Variants in KCNK5 observed in about 807,000 individuals in gnomAD.
KCNK5 encodes potassium two pore domain channel subfamily K member 5.
In KCNK5, 18 loss-of-function variants were observed where a neutral mutation model predicts 32.9. The observed-to-expected ratio is 0.55, with a 90% CI of 0.38 to 0.81. The LOEUF (loss-of-function observed/expected upper bound fraction) is 0.81, where lower values mean the gene tolerates loss of function less well. Ranked by LOEUF, KCNK5 falls within the 30% of genes least tolerant of loss-of-function variation. The pLI is 0.00. For synonymous variants in KCNK5, 276 were observed against 275.3 expected, an observed-to-expected ratio of 1.00 and a Z score of -0.03; for missense variants, 507 against 651.0, an observed-to-expected ratio of 0.78 and a Z score of 2.41.
rs149374109 is a variant in KCNK5, at chr6:39,202,392, A to T, written c.187-6405T>A. On this transcript the variant is annotated intron_variant, in intron 1 of 4. Coordinates refer to ENST00000359534, the MANE Select transcript of KCNK5 (RefSeq NM_003740.4). ...GCTCACAGGGGCTGCTGAAACCACC[A>T]GCCTCCAACTGGTCTTGGGTTGCAG... Among the ~76,000 whole-genome samples, 213 of 152,214 alleles carry T rather than the reference A, an allele frequency of 1.4e-3. 1 individual carries two copies. In the East Asian group the frequency reaches 0.032, roughly 23 times the overall value.
chr6:39,201,578 C>T (rs9462489), intron 1 of KCNK5, among the ~76,000 whole-genome samples: 1,827 of 152,218 alleles, frequency 0.012, 41 homozygotes, highest in African/African-American at 0.041. Flanking sequence ...TGTGTCAAAG[C>T]TCACTTGGCC....
chr6:39,213,648 G>A lies in KCNK5; in HGVS notation c.186+15278C>T, dbSNP rs377068750. ...GAGGGGTGTAAGAATGTGTATACAC[G>A]GGTGGGAAGCCGGCCTCAGGCAGCT... On this transcript the variant is annotated intron_variant, in intron 1 of 4. Transcript: ENST00000359534. Among the ~76,000 whole-genome samples the A allele has an allele frequency of 5.9e-5, 9 of 152,298 alleles. No homozygotes were observed. In the East Asian group the frequency reaches 7.7e-4, roughly 13 times the overall value.
chr6:39,195,832 C>G (rs768407403), intron 2 of KCNK5, 44 bp downstream of exon 2: 4 of 1,448,622 alleles, frequency 2.8e-6, no homozygotes, highest in East Asian at 2.3e-5. Flanking sequence ...TTCTGAGGAG[C>G]TAGGGCATGG....
chr6:39,206,908 A>T (rs1771235344), intron 1 of KCNK5, among the ~76,000 whole-genome samples: 2 of 152,210 alleles, frequency 1.3e-5, no homozygotes, highest in South Asian at 4.1e-4. Flanking sequence ...GAGCACTGGG[A>T]AGGAAAATAA....
intron 1 of KCNK5, among the ~76,000 whole-genome samples, chr6:39,200,521 A>G (rs1771118277): frequency 6.6e-6 from 1 of 152,150 alleles, no homozygotes; most frequent in Non-Finnish European, 1.5e-5. Context: ...AGTGCTAAAA[A>G]CAGTGAAGCC....
At chr6:39,217,851 T>C (rs1431739799) in intron 1 of KCNK5, among the ~76,000 whole-genome samples, 1 of 152,148 alleles carries the variant, frequency 6.6e-6, no homozygotes, top group Non-Finnish European at 1.5e-5. Context: ...CCTGAGGCCC[T>C]GGCTGGCCCA....
chr6:39,202,219 C>A (rs558789214), intron 1 of KCNK5, among the ~76,000 whole-genome samples: 33 of 152,226 alleles, frequency 2.2e-4, no homozygotes, highest in Non-Finnish European at 4.8e-4. Flanking sequence ...CTGGCCTCAA[C>A]TAACTTGTCC....
At position 39,190,899 on chromosome 6, in the gene KCNK5, CT is replaced by C; in HGVS notation, c.1490del (p.Lys497ArgfsTer69). On this transcript the variant is annotated frameshift_variant, in exon 5 of 5. Coordinates refer to ENST00000359534, the MANE Select transcript of KCNK5 (RefSeq NM_003740.4). LOFTEE classifies it high-confidence loss of function. ...MNEYNKANSP[K>X]GT The stretch of plus-strand genomic sequence containing the variant: ...GGGAGCCGGCCCTGCCTCATGTGCC[CT>C]TGGGGCTGTTAGCCTTGTTGTACTC... The C allele has an allele frequency of 6.8e-7, 1 of 1,471,808 alleles. No homozygotes were observed. The highest frequency in any genetic ancestry group is 9.0e-7 in the Non-Finnish European group (1 of 1,110,828). 91.2% of individuals were successfully genotyped at this position (1,471,808 alleles called of 1,614,324 possible).
chr6:39,225,267 C>T (rs964671974), intron 1 of KCNK5, among the ~76,000 whole-genome samples: 4 of 152,176 alleles, frequency 2.6e-5, no homozygotes, highest in Non-Finnish European at 5.9e-5. Context: ...TGCTAATTTC[C>T]ATGTACTTTG....
In KCNK5 at chr6:39,229,270, T is replaced by C. The variant is rs1027046578; in HGVS notation, c.-159A>G. ...CGCAAGCACCGCTCCCCGGACAGAG[T>C]TGCTTGGCCAAGTTGGCCCACGGAG... On this transcript the variant is annotated 5_prime_UTR_variant, in exon 1 of 5. Coordinates refer to ENST00000359534, the MANE Select transcript of KCNK5 (RefSeq NM_003740.4). 5.5e-5 allele frequency: 45 copies of C among 814,590 alleles called. No homozygotes were observed. The highest frequency in any genetic ancestry group is 3.2e-4 in the Admixed American group (11 of 34,802). 50.5% of individuals were successfully genotyped at this position (814,590 alleles called of 1,614,324 possible).
intron 1 of KCNK5, among the ~76,000 whole-genome samples, chr6:39,228,029 G>A (rs1374797032): frequency 6.6e-6 from 1 of 152,102 alleles, no homozygotes; most frequent in African/African-American, 2.4e-5. Flanking sequence ...CGAGAAACTG[G>A]GGTAGAGGGC....
chr6:39,203,461 C>T (rs1016634339), intron 1 of KCNK5, among the ~76,000 whole-genome samples: 2 of 152,210 alleles, frequency 1.3e-5, no homozygotes, highest in Non-Finnish European at 2.9e-5. Context: ...GTTTCTCGTC[C>T]AACCAAGCAA....
rs541848368 is a variant in KCNK5, at chr6:39,210,596, A to G, written c.187-14609T>C. 2.0e-5 allele frequency among the ~76,000 whole-genome samples: 3 copies of G among 152,344 alleles called. No individual in the cohort carries two copies. In the South Asian group the frequency reaches 6.2e-4, roughly 32 times the overall value. On this transcript the variant is annotated intron_variant, in intron 1 of 4. Transcript: ENST00000359534. The stretch of plus-strand genomic sequence containing the variant: ...ACTTCTGTTGCTCAATGAAGCTCAA[A>G]CCAGGGTCGACTGATTCATCAAGTG...
intron 1 of KCNK5, among the ~76,000 whole-genome samples, chr6:39,201,966 A>G (rs1384947168): frequency 6.6e-6 from 1 of 152,166 alleles, no homozygotes; most frequent in Non-Finnish European, 1.5e-5. Flanking sequence ...TGCACTATCT[A>G]GAGACGGGGG....
Position 39,213,652 on chromosome 6 carries a change from G to A in KCNK5, c.186+15274C>T, listed in dbSNP as rs9471004. 5.9e-3 allele frequency among the ~76,000 whole-genome samples: 906 copies of A among 152,284 alleles called. 8 individuals are homozygous for A. Among genetic ancestry groups the A allele is most frequent in the Non-Finnish European group, 9.1e-3 (618 of 68,028 alleles). On this transcript the variant is annotated intron_variant, in intron 1 of 4. Transcript: ENST00000359534. ...GGTGTAAGAATGTGTATACACGGGTGGGAAGCCGGCCTCAGGCAGCTTAGA... is the reference window on the plus strand; with the variant it reads ...GGTGTAAGAATGTGTATACACGGGTAGGAAGCCGGCCTCAGGCAGCTTAGA...
intron 1 of KCNK5, among the ~76,000 whole-genome samples, chr6:39,206,252 C>T (rs1159582531): frequency 6.6e-6 from 1 of 152,196 alleles, no homozygotes; most frequent in Non-Finnish European, 1.5e-5. Context: ...AGGGAATGTG[C>T]AGGTAGACAC....
intron 1 of KCNK5, among the ~76,000 whole-genome samples, chr6:39,203,646 C>T (rs1292789111): frequency 1.3e-5 from 2 of 152,210 alleles, no homozygotes; most frequent in African/African-American, 4.8e-5. Context: ...AGCCCCCACC[C>T]AGCGTGAACA....
chr6:39,216,950 C>G (rs990355833), intron 1 of KCNK5, among the ~76,000 whole-genome samples: 1 of 151,612 alleles, frequency 6.6e-6, no homozygotes, highest in Non-Finnish European at 1.5e-5. Context: ...GGAGAAACCC[C>G]GTCTCTACTA....
intron 1 of KCNK5, among the ~76,000 whole-genome samples, chr6:39,212,272 A>C (rs1404989449): frequency 6.6e-6 from 1 of 152,240 alleles, no homozygotes; most frequent in East Asian, 1.9e-4. Context: ...CCTGGGTGAC[A>C]GAGAGAGATT....
Sources: allele counts gnomAD v4.1 joint callset (sites outside exome capture counted in the v4.1 genomes callset), GRCh38; gene constraint gnomAD v4.1.1; transcripts MANE v1.5; gene names NCBI Gene and HGNC (gene_info 2026-07-23, HGNC 2026-07-21).